Variants in ZNF490 observed in about 807,000 individuals in gnomAD.
The protein encoded by ZNF490 is zinc finger protein 490.
Under a neutral mutation model 17.7 loss-of-function variants are expected in ZNF490, and 11 were observed. The observed-to-expected ratio is 0.62, with a 90% CI of 0.39 to 1.03. The LOEUF is 1.03. ZNF490 is among the 50% of genes least tolerant of loss of function. The pLI is 0.00. For missense variants in ZNF490, 542 were observed against 643.4 expected, an observed-to-expected ratio of 0.84 and a Z score of 1.71; for synonymous variants, 222 against 216.1, an observed-to-expected ratio of 1.03 and a Z score of -0.24.
chr19:12,593,247 T>G (rs908596469), intron 2 of ZNF490, among the ~76,000 whole-genome samples: 112 of 137,906 alleles, frequency 8.1e-4, no homozygotes, highest in Admixed American at 1.6e-3. Context: ...GTTTTGTGGG[T>G]TTTTTTTTTT....
At chr19:12,607,770 T>A (rs1279755481) in intron 2 of ZNF490, among the ~76,000 whole-genome samples, 1 of 149,886 alleles carries the variant, frequency 6.7e-6, no homozygotes, top group Non-Finnish European at 1.5e-5. Context: ...AAGAACAGCA[T>A]AGCATCTGCA....
intron 2 of ZNF490, among the ~76,000 whole-genome samples, chr19:12,605,251 G>T (rs1318830016): frequency 6.6e-6 from 1 of 152,164 alleles, no homozygotes; most frequent in Non-Finnish European, 1.5e-5. Context: ...GAGGAGCGAG[G>T]TGGGAGGATC....
chr19:12,582,616 G>A (rs929014785), intron 4 of ZNF490, among the ~76,000 whole-genome samples: 5 of 151,194 alleles, frequency 3.3e-5, no homozygotes, highest in African/African-American at 9.7e-5. Flanking sequence ...GGATGGTCTC[G>A]ATCTCCTGAT....
intron 2 of ZNF490, among the ~76,000 whole-genome samples, chr19:12,598,594 G>A (rs940078730): frequency 1.3e-5 from 2 of 151,302 alleles, no homozygotes; most frequent in African/African-American, 2.4e-5. Context: ...GGCTGGTCTC[G>A]AACTCCCAAC....
chr19:12,580,432 C>T lies in ZNF490; in HGVS notation c.*53G>A, dbSNP rs548886679. The T allele has an allele frequency of 5.2e-6, 8 of 1,526,124 alleles. No homozygotes were observed. In the South Asian group the frequency reaches 1.1e-4, roughly 20 times the overall value. 94.5% of individuals were successfully genotyped at this position (1,526,124 alleles called of 1,614,324 possible). A position where few individuals can be genotyped will look rare whatever the true frequency, so the allele number is the denominator to read the frequency against. ...AATTTCTCTCCAGCGTAAGTACTCT[C>T]ATACATCCAAAAGGAACTAATACAA... On this transcript the variant is annotated 3_prime_UTR_variant, in exon 5 of 5. Coordinates refer to ENST00000311437, the MANE Select transcript of ZNF490 (RefSeq NM_020714.3).
chr19:12,603,784 A>G (rs1315568871), intron 2 of ZNF490, among the ~76,000 whole-genome samples: 1 of 104,698 alleles, frequency 9.6e-6, no homozygotes, highest in Non-Finnish European at 2.2e-5. Flanking sequence ...AGGAGACCCT[A>G]TCTCAAAAAA....
intron 2 of ZNF490, among the ~76,000 whole-genome samples, chr19:12,591,522 T>C (rs1406599340): frequency 1.3e-5 from 2 of 151,984 alleles, no homozygotes; most frequent in African/African-American, 2.4e-5. Context: ...CTAAAAGAAC[T>C]ATTAAAACTC....
rs1568276364 is a variant in ZNF490 at position 12,577,992 on chromosome 19, A to C, written c.*2493T>G. On this transcript the variant is annotated 3_prime_UTR_variant, in exon 5 of 5. Transcript: ENST00000311437. Reference sequence around the variant, plus strand: ...AAGCAGTTTATTGGGAGTTGAGTTCACCTTGCCTTGTGATGTGAAGCAAGG... The same window carrying C: ...AAGCAGTTTATTGGGAGTTGAGTTCCCCTTGCCTTGTGATGTGAAGCAAGG... 1 of 985,434 alleles carries C rather than the reference A, an allele frequency of 1.0e-6. No individual in the cohort carries two copies. Among genetic ancestry groups the C allele is most frequent in the South Asian group, 4.7e-5 (1 of 21,286 alleles). The allele number at this position is 985,434 out of a possible 1,614,324, so 61.0% of individuals were successfully genotyped here. A position where few individuals can be genotyped will look rare whatever the true frequency, so the allele number is the denominator to read the frequency against.
intron 2 of ZNF490, among the ~76,000 whole-genome samples, chr19:12,594,481 A>G (rs2022909932): frequency 6.6e-6 from 1 of 151,902 alleles, no homozygotes; most frequent in Non-Finnish European, 1.5e-5. Flanking sequence ...AAAAAAAAGA[A>G]AAGAAAAGAA....
intron 2 of ZNF490, among the ~76,000 whole-genome samples, chr19:12,595,840 C>T (rs1599310114): frequency 6.6e-6 from 1 of 151,994 alleles, no homozygotes; most frequent in African/African-American, 2.4e-5. Context: ...ATCCCAGTTA[C>T]GCAGGAGGCT....
intron 2 of ZNF490, among the ~76,000 whole-genome samples, chr19:12,588,458 G>A (rs1301888532): frequency 6.6e-6 from 1 of 152,204 alleles, no homozygotes; most frequent in Non-Finnish European, 1.5e-5. Context: ...TAACCACAGA[G>A]TGGCAAAATA....
Position 12,581,125 on chromosome 19 carries a change from C to A in ZNF490, c.950G>T (p.Cys317Phe). Residue 317 changes from cysteine to phenylalanine, a missense_variant, in exon 5 of 5, where the codon TGT becomes TTT. Physicochemically the swap from Cys to Phe is radical, Grantham distance 205. Coordinates refer to ENST00000311437, the MANE Select transcript of ZNF490 (RefSeq NM_020714.3). ...ECKQCGKAFS[C>F]PTYLRSHEKT... Reference sequence around the variant, plus strand: ...CTCATGACTCCGTAAGTACGTGGGACAACTGAAGGCTTTCCCACATTGCTT... The same window carrying A: ...CTCATGACTCCGTAAGTACGTGGGAAAACTGAAGGCTTTCCCACATTGCTT... 6.2e-7 allele frequency: 1 copy of A among 1,614,018 alleles called. No individual in the cohort carries two copies. Among genetic ancestry groups the A allele is most frequent in the Non-Finnish European group, 8.5e-7 (1 of 1,179,996 alleles).
At position 12,579,011 on chromosome 19, in the gene ZNF490, T is replaced by C; in HGVS notation, c.*1474A>G. 1 of 924,790 alleles carries C rather than the reference T, an allele frequency of 1.1e-6. No homozygotes were observed. Among genetic ancestry groups the C allele is most frequent in the Non-Finnish European group, 1.3e-6 (1 of 774,566 alleles). The allele number at this position is 924,790 out of a possible 1,614,324, so 57.3% of individuals were successfully genotyped here. On this transcript the variant is annotated 3_prime_UTR_variant, in exon 5 of 5. Coordinates refer to ENST00000311437, the MANE Select transcript of ZNF490 (RefSeq NM_020714.3). Reference sequence around the variant, plus strand: ...GCTCACGCCTATAATCCCAGCACTTTGGGAGGCCGAGGAGGGCGGATCACG... The same window carrying C: ...GCTCACGCCTATAATCCCAGCACTTCGGGAGGCCGAGGAGGGCGGATCACG...
chr19:12,576,918 G>A lies in ZNF490; in HGVS notation c.*3567C>T, dbSNP rs139869318. On this transcript the variant is annotated 3_prime_UTR_variant, in exon 5 of 5. Coordinates refer to ENST00000311437, the MANE Select transcript of ZNF490 (RefSeq NM_020714.3). ...AGACAAATATACAAAAATCACACACGTTATCACTGTACATACAGGTGGACA... is the reference window on the plus strand; with the variant it reads ...AGACAAATATACAAAAATCACACACATTATCACTGTACATACAGGTGGACA... Among the ~76,000 whole-genome samples, 139 of 149,794 alleles carry A rather than the reference G, an allele frequency of 9.3e-4. No homozygotes were observed. Among genetic ancestry groups the A allele is most frequent in the African/African-American group, 3.3e-3 (133 of 40,482 alleles).
At chr19:12,583,084 C>T (rs1478832116) in intron 3 of ZNF490, among the ~76,000 whole-genome samples, 174 bp from the exon 4 acceptor site, 1 of 151,444 alleles carries the variant, frequency 6.6e-6, no homozygotes, top group African/African-American at 2.4e-5. Context: ...CGCTGTTGCC[C>T]AGGCTGGAGT....
intron 2 of ZNF490, among the ~76,000 whole-genome samples, chr19:12,603,808 CT>C (rs2023035456): frequency 6.6e-6 from 1 of 151,202 alleles, no homozygotes; most frequent in South Asian, 2.1e-4. Context: ...AAAAAATGGC[CT>C]TTTGTATTCA....
At chr19:12,595,000 G>C (rs573459179) in intron 2 of ZNF490, among the ~76,000 whole-genome samples, 13 of 152,286 alleles carry the variant, frequency 8.5e-5, no homozygotes, top group African/African-American at 2.9e-4. Flanking sequence ...TGTAATCCCA[G>C]CACCTTGGGA....
chr19:12,593,036 C>T (rs2022890650), intron 2 of ZNF490, among the ~76,000 whole-genome samples: 1 of 152,138 alleles, frequency 6.6e-6, no homozygotes. Flanking sequence ...ATGAAAGTTC[C>T]ACAGGATGCC....
At chr19:12,597,236 C>T in intron 2 of ZNF490, 1 of 456,624 alleles carries the variant, frequency 2.2e-6, no homozygotes, top group Non-Finnish European at 4.4e-6. Flanking sequence ...ATACGCAGAG[C>T]CACAGACAGT....
Sources: allele counts gnomAD v4.1 joint callset (sites outside exome capture counted in the v4.1 genomes callset), GRCh38; gene constraint gnomAD v4.1.1; transcripts MANE v1.5; gene names NCBI Gene and HGNC (gene_info 2026-07-23, HGNC 2026-07-21).